PRKN: variants seen among roughly 807,000 people sequenced by gnomAD.
The protein encoded by PRKN is parkin RBR E3 ubiquitin protein ligase, also known as E3 ubiquitin-protein ligase parkin.
In PRKN, 56 loss-of-function variants were observed where a neutral mutation model predicts 59.5. The observed-to-expected ratio is 0.94, with a 90% CI of 0.76 to 1.18. The LOEUF (loss-of-function observed/expected upper bound fraction) is 1.18. Among genes scored for constraint, PRKN ranks in the 50% most tolerant of loss-of-function variants. PRKN has a pLI of 0.00. For missense variants in PRKN, 657 were observed against 596.4 expected (o/e 1.10, Z -1.06); for synonymous variants, 250 against 222.1 (o/e 1.13, Z -1.12).
At chr6:162,027,845 G>C (rs755658454) in intron 5 of PRKN, among the ~76,000 whole-genome samples, 12 of 151,744 alleles carry the variant, frequency 7.9e-5, no homozygotes, top group Non-Finnish European at 1.8e-4. Flanking sequence ...GTGGAGAGGA[G>C]GAAGAAGGGG....
intron 1 of PRKN, among the ~76,000 whole-genome samples, chr6:162,657,630 A>T (rs1161833750): frequency 1.3e-5 from 2 of 152,222 alleles, no homozygotes; most frequent in African/African-American, 4.8e-5. Flanking sequence ...GATAATTTTT[A>T]AAAATTACAC....
At position 161,414,415 on chromosome 6, in the gene PRKN, T is replaced by C. The variant is rs1230052243; in HGVS notation, c.1084-27538A>G. 2.0e-5 allele frequency among the ~76,000 whole-genome samples: 3 copies of C among 152,234 alleles called. No individual in the cohort carries two copies. The highest frequency in any genetic ancestry group is 6.5e-5 in the Admixed American group (1 of 15,290). Reference sequence around the variant, plus strand: ...CAAAGGTTTCTGCCTGAGACAGTCCTTGGCCTCCAGCCACGGCTTCCGTGC... The same window carrying C: ...CAAAGGTTTCTGCCTGAGACAGTCCCTGGCCTCCAGCCACGGCTTCCGTGC... On this transcript the variant is annotated intron_variant, in intron 9 of 11. Coordinates refer to ENST00000366898, the MANE Select transcript of PRKN (RefSeq NM_004562.3). This position sits in a 1 kb window ranked among gnomAD's most constrained non-coding sequence, Gnocchi z 5.3.
chr6:161,873,987 TGTAAAA>T (rs1562353462), intron 6 of PRKN, among the ~76,000 whole-genome samples: 1 of 97,092 alleles, frequency 1.0e-5, no homozygotes, highest in East Asian at 2.4e-4. Flanking sequence ...AAAATATATA[TGTAAAA>T]TATAATATAT....
chr6:162,406,460 G>T (rs578178755), intron 2 of PRKN, among the ~76,000 whole-genome samples: 1 of 152,156 alleles, frequency 6.6e-6, no homozygotes, highest in Non-Finnish European at 1.5e-5. Flanking sequence ...GCAGTACTTA[G>T]ATATAGACTC....
intron 1 of PRKN, among the ~76,000 whole-genome samples, chr6:162,491,269 CAA>C (rs1415926992): frequency 2.2e-4 from 17 of 75,988 alleles, no homozygotes; most frequent in South Asian, 4.2e-4. Flanking sequence ...GACTCTGGCT[CAA>C]AAAAAAAAAA....
At chr6:161,572,058 G>T (rs1285259043) in intron 7 of PRKN, among the ~76,000 whole-genome samples, 1 of 152,086 alleles carries the variant, frequency 6.6e-6, no homozygotes, top group African/African-American at 2.4e-5. Context: ...CAGATTGCAG[G>T]ACTGCTTGGC....
chr6:161,726,000 TAC>T (rs1354711203), intron 7 of PRKN, among the ~76,000 whole-genome samples: 1 of 152,228 alleles, frequency 6.6e-6, no homozygotes, highest in Non-Finnish European at 1.5e-5. Context: ...ATGACCATTA[TAC>T]CAGGAGAAGG....
At chr6:162,452,931 G>T (rs1172869761) in intron 1 of PRKN, among the ~76,000 whole-genome samples, 1 of 152,122 alleles carries the variant, frequency 6.6e-6, no homozygotes, top group African/African-American at 2.4e-5. Context: ...AGAAGGCAGG[G>T]ATGACAATAT....
At chr6:162,010,026 T>C (rs1782426526) in intron 5 of PRKN, among the ~76,000 whole-genome samples, 1 of 151,226 alleles carries the variant, frequency 6.6e-6, no homozygotes, top group Admixed American at 6.6e-5. Flanking sequence ...TCACCTACGC[T>C]TGGAGTTACT....
intron 7 of PRKN, among the ~76,000 whole-genome samples, chr6:161,694,605 C>T (rs1278165736): frequency 1.3e-5 from 2 of 152,144 alleles, no homozygotes; most frequent in African/African-American, 2.4e-5. Context: ...ATGTCCATTA[C>T]ATCCCAATAC....
intron 10 of PRKN, among the ~76,000 whole-genome samples, chr6:161,364,349 C>G (rs1417037360): frequency 6.6e-6 from 1 of 150,926 alleles, no homozygotes; most frequent in African/African-American, 2.4e-5. Context: ...GTCCCAGCTA[C>G]TCAGGAGGCT....
chr6:162,241,371 T>TA (rs1386583118), intron 3 of PRKN, among the ~76,000 whole-genome samples: 20 of 152,034 alleles, frequency 1.3e-4, no homozygotes, highest in Non-Finnish European at 1.3e-4. Context: ...ATTACTTTAT[T>TA]AAAAAAGACA....
At chr6:162,691,765 A>G (rs1332396768) in intron 1 of PRKN, among the ~76,000 whole-genome samples, 2 of 152,208 alleles carry the variant, frequency 1.3e-5, no homozygotes, top group East Asian at 3.8e-4. Flanking sequence ...AACCAGTGAG[A>G]AATAAATTCA....
chr6:162,622,296 T>G (rs889135404), intron 1 of PRKN, among the ~76,000 whole-genome samples: 122 of 131,756 alleles, frequency 9.3e-4, no homozygotes, highest in African/African-American at 3.1e-3. Context: ...ATTCTGTTTT[T>G]TTTTTTGTTT....
At chr6:161,430,575 G>T (rs550865299) in intron 9 of PRKN, among the ~76,000 whole-genome samples, 2 of 152,168 alleles carry the variant, frequency 1.3e-5, no homozygotes, top group African/African-American at 4.8e-5. Context: ...AAGCACTTTG[G>T]GGGGCCGAGG....
intron 7 of PRKN, among the ~76,000 whole-genome samples, chr6:161,626,896 T>C (rs1365978042): frequency 6.6e-6 from 1 of 151,600 alleles, no homozygotes; most frequent in Admixed American, 6.6e-5. Context: ...AGAGCAGTCC[T>C]GCTCGCAGAC....
intron 7 of PRKN, among the ~76,000 whole-genome samples, chr6:161,733,779 A>AT (rs1309623092): frequency 1.2e-5 from 1 of 85,780 alleles, no homozygotes; most frequent in East Asian, 3.3e-4. Flanking sequence ...TGAAAAAAAA[A>AT]AAAAATATAT....
Position 161,371,447 on chromosome 6 carries a change from G to A in PRKN, c.1168-11242C>T, listed in dbSNP as rs2114896747. 6.6e-6 allele frequency among the ~76,000 whole-genome samples: 1 copy of A among 150,770 alleles called. No individual in the cohort carries two copies. The highest frequency in any genetic ancestry group is 2.1e-4 in the South Asian group (1 of 4,702). Reference sequence around the variant, plus strand: ...CCCAAAGTGCTTGGATTACAGGTGTGAGCCACTGCGCCCGGCCTATTTTGT... The same window carrying A: ...CCCAAAGTGCTTGGATTACAGGTGTAAGCCACTGCGCCCGGCCTATTTTGT... On this transcript the variant is annotated intron_variant, in intron 10 of 11. Transcript: ENST00000366898. The surrounding 1 kb of genome is among the most constrained non-coding windows in gnomAD (Gnocchi z 5.5).
intron 9 of PRKN, among the ~76,000 whole-genome samples, chr6:161,455,834 G>A (rs1789944347): frequency 6.9e-6 from 1 of 145,210 alleles, no homozygotes; most frequent in African/African-American, 2.6e-5. Context: ...CTGCACTCCA[G>A]CCTGGCGACA....
Sources: allele counts gnomAD v4.1 joint callset (sites outside exome capture counted in the v4.1 genomes callset), GRCh38; gene constraint gnomAD v4.1.1; non-coding constraint Gnocchi (gnomAD v3.1); transcripts MANE v1.5; gene names NCBI Gene and HGNC (gene_info 2026-07-23, HGNC 2026-07-21).